Variants in XAB2 observed in about 807,000 individuals in gnomAD.
The protein encoded by XAB2 is XPA binding protein 2, also known as pre-mRNA-splicing factor SYF1.
A neutral mutation model predicts 113.4 loss-of-function variants in XAB2; 57 were observed. The observed-to-expected ratio is 0.50, with a 90% CI of 0.41 to 0.63. The LOEUF is 0.63. Among genes scored for constraint, XAB2 ranks in the 20% least tolerant of loss-of-function variants. XAB2 has a pLI of 0.00. For missense variants in XAB2, 1,037 were observed against 1,233.3 expected, an observed-to-expected ratio of 0.84 and a Z score of 2.38; for synonymous variants, 497 against 498.8, an observed-to-expected ratio of 1.00 and a Z score of 0.05.
Position 7,624,264 on chromosome 19 carries a change from GCT to G in XAB2, c.967+35_967+36del. Reference sequence around the variant, plus strand: ...CGCCCCTACCGCTAATGTCCACTCAGCTCTCTCCCCACCAGCCGGGGCCCCCA... The same window carrying G: ...CGCCCCTACCGCTAATGTCCACTCAGCTCTCCCCACCAGCCGGGGCCCCCA... On this transcript the variant is annotated intron_variant, in intron 7 of 18. Transcript: ENST00000358368. The surrounding 1 kb of genome is among the most constrained non-coding windows in gnomAD (Gnocchi z 4.2). The G allele has an allele frequency of 6.2e-7, 1 of 1,608,848 alleles. No homozygotes were observed. The highest frequency in any genetic ancestry group is 8.5e-7 in the Non-Finnish European group (1 of 1,179,890).
In XAB2 at chr19:7,624,214, G is replaced by A. The variant is rs565334766; in HGVS notation, c.967+87C>T. 39 of 1,585,482 alleles carry A rather than the reference G, an allele frequency of 2.5e-5. 1 individual carries two copies. In the East Asian group the frequency reaches 8.7e-4, roughly 35 times the overall value. On this transcript the variant is annotated intron_variant, in intron 7 of 18. Coordinates refer to ENST00000358368, the MANE Select transcript of XAB2 (RefSeq NM_020196.3). The surrounding 1 kb of genome is among the most constrained non-coding windows in gnomAD (Gnocchi z 4.2). ...TGCTGGCCCCCAGCTGAGCCTCCCA[G>A]GGCTGCCTCACCTGAGATGTGTCCC...
In XAB2 at chr19:7,627,467, G is replaced by A. The variant is rs2031164705; in HGVS notation, c.325-27C>T. 1.3e-6 allele frequency: 2 copies of A among 1,586,962 alleles called. No homozygotes were observed. Among genetic ancestry groups the A allele is most frequent in the Admixed American group, 1.8e-5 (1 of 55,372 alleles). ...TGGGGGTGTGGGGAGAGGCGGCTGG[G>A]GCTAAGCCACGGACTCCATGGCCTG... On this transcript the variant is annotated intron_variant, in intron 3 of 18. Coordinates refer to ENST00000358368, the MANE Select transcript of XAB2 (RefSeq NM_020196.3). The surrounding 1 kb of genome is among the most constrained non-coding windows in gnomAD (Gnocchi z 4.5).
Position 7,623,272 on chromosome 19 carries a change from T to G in XAB2, c.1137A>C (p.Thr379=). ...AGGGGTCCACCGTCTGCACAGCCTCTGTGTAGGTGTTGATGATCTGGGGAC... is the reference window on the plus strand; with the variant it reads ...AGGGGTCCACCGTCTGCACAGCCTCGGTGTAGGTGTTGATGATCTGGGGAC... ...GRPREIINTY[T]EAVQTVDPFK... Residue 379 remains threonine, a synonymous_variant, in exon 9 of 19, where the codon ACA becomes ACC. Coordinates refer to ENST00000358368, the MANE Select transcript of XAB2 (RefSeq NM_020196.3). This position sits in a 1 kb window ranked among gnomAD's most constrained non-coding sequence, Gnocchi z 4.6. 11 of 1,613,608 alleles carry G rather than the reference T, an allele frequency of 6.8e-6. No homozygotes were observed. Among genetic ancestry groups the G allele is most frequent in the South Asian group, 1.1e-5 (1 of 91,092 alleles).
chr19:7,626,370 A>G, intron 4 of XAB2, 100 bp from the exon 5 acceptor site: 2 of 1,515,340 alleles, frequency 1.3e-6, no homozygotes. Flanking sequence ...CCCATTTATG[A>G]GTGTCTTGGG....
At chr19:7,622,478 G>C (rs1198081993) in intron 11 of XAB2, 34 bp from the exon 12 acceptor site, 1 of 1,613,978 alleles carries the variant, frequency 6.2e-7, no homozygotes, top group East Asian at 2.2e-5. Context: ...GTTGGAGCTG[G>C]TTCTGGAGCT....
chr19:7,620,800 CT>C (rs1416359985), intron 14 of XAB2, 45 bp downstream of exon 14: 1 of 1,564,512 alleles, frequency 6.4e-7, no homozygotes, highest in South Asian at 1.2e-5. Context: ...CCCCTTCCGT[CT>C]GCTCAGGGAC....
intron 5 of XAB2, 36 bp from the exon 6 acceptor site, chr19:7,626,080 C>T (rs749796124): frequency 6.2e-7 from 1 of 1,610,212 alleles, no homozygotes; most frequent in Non-Finnish European, 8.5e-7. Flanking sequence ...GAGTCTCAGG[C>T]TCAGTCATGG....
Position 7,627,036 on chromosome 19 carries a change from A to C in XAB2, c.522+207T>G, listed in dbSNP as rs2031152873. On this transcript the variant is annotated intron_variant, in intron 4 of 18. Transcript: ENST00000358368. This position sits in a 1 kb window ranked among gnomAD's most constrained non-coding sequence, Gnocchi z 4.5. ...GTGTCTTAGTCACACTGTCCTCAGC[A>C]CCCATCGCTATGCCTAATGTGAAAC... Among the ~76,000 whole-genome samples, 1 of 152,178 alleles carries C rather than the reference A, an allele frequency of 6.6e-6. No individual in the cohort carries two copies. The highest frequency in any genetic ancestry group is 1.5e-5 in the Non-Finnish European group (1 of 68,028).
At position 7,629,460 on chromosome 19, in the gene XAB2, C is replaced by A. The variant is rs1314309318; in HGVS notation, c.51+17G>T. 1 of 1,589,572 alleles carries A rather than the reference C, an allele frequency of 6.3e-7. No individual in the cohort carries two copies. Among genetic ancestry groups the A allele is most frequent in the East Asian group, 2.3e-5 (1 of 43,724 alleles). Reference sequence around the variant, plus strand: ...ATGCCCCAACGCAGGCCACCCCCGGCTCCTCTGTGGACTCACGAAGACAAG... The same window carrying A: ...ATGCCCCAACGCAGGCCACCCCCGGATCCTCTGTGGACTCACGAAGACAAG... On this transcript the variant is annotated intron_variant, in intron 1 of 18. Transcript: ENST00000358368.
chr19:7,621,044 G>C lies in XAB2; in HGVS notation c.1781-8C>G. ...CGTACAGCAGGTACAAGGCTGGGCG[G>C]GGTAGGCGGGGAGAGGGGAGCACGG... On this transcript the variant is annotated splice_polypyrimidine_tract_variant and splice_region_variant and intron_variant, in intron 13 of 18. Transcript: ENST00000358368. 1 of 1,544,784 alleles carries C rather than the reference G, an allele frequency of 6.5e-7. No homozygotes were observed. The highest frequency in any genetic ancestry group is 8.7e-7 in the Non-Finnish European group (1 of 1,145,538).
Position 7,623,647 on chromosome 19 carries a change from T to G in XAB2, c.1119+84A>C. On this transcript the variant is annotated intron_variant, in intron 8 of 18. Transcript: ENST00000358368. This position sits in a 1 kb window ranked among gnomAD's most constrained non-coding sequence, Gnocchi z 4.6. ...TAAGCAAAGTCAGGCCCCTAGAAGGTGACATTATGGGTGAAGGTGGGTGGC... is the reference window on the plus strand; with the variant it reads ...TAAGCAAAGTCAGGCCCCTAGAAGGGGACATTATGGGTGAAGGTGGGTGGC... The G allele has an allele frequency of 2.0e-6, 3 of 1,489,572 alleles. No individual in the cohort carries two copies. Among genetic ancestry groups the G allele is most frequent in the Non-Finnish European group, 1.8e-6 (2 of 1,121,600 alleles). 92.3% of individuals were successfully genotyped at this position (1,489,572 alleles called of 1,614,324 possible).
rs763321128 is a variant in XAB2, at chr19:7,621,271, G to C, written c.1644C>G (p.Phe548Leu). Residue 548 changes from phenylalanine to leucine, a missense_variant, in exon 13 of 19, where the codon TTC (phenylalanine) becomes TTG (leucine). By Grantham distance (22) the Phe-to-Leu change is conservative. Transcript: ENST00000358368. Reference protein sequence around the residue: ...FKAYERGISLFKWPNVSDIWS... With the variant: ...FKAYERGISLLKWPNVSDIWS... ...AGATGTCGGACACGTTGGGCCACTT[G>C]AACAGCGAGATGCCGCGCTCGTACG... The C allele has an allele frequency of 6.2e-7, 1 of 1,613,016 alleles. No individual in the cohort carries two copies. Among genetic ancestry groups the C allele is most frequent in the Admixed American group, 1.7e-5 (1 of 60,012 alleles).
rs1323707081 is a variant in XAB2, at chr19:7,628,514, A to G, written c.52-216T>C. Among the ~76,000 whole-genome samples the G allele has an allele frequency of 6.6e-6, 1 of 151,910 alleles. No homozygotes were observed. Among genetic ancestry groups the G allele is most frequent in the Non-Finnish European group, 1.5e-5 (1 of 67,974 alleles). On this transcript the variant is annotated intron_variant, in intron 1 of 18. Coordinates refer to ENST00000358368, the MANE Select transcript of XAB2 (RefSeq NM_020196.3). The surrounding 1 kb of genome is among the most constrained non-coding windows in gnomAD (Gnocchi z 4.6). The stretch of plus-strand genomic sequence containing the variant: ...TTACCCCTCAGAATTCAACTACCCA[A>G]AATCGAACCCAAATCATCAGACTTC...
At position 7,620,351 on chromosome 19, in the gene XAB2, C is replaced by T. The variant is rs765633349; in HGVS notation, c.2190G>A (p.Val730=). 1.1e-5 allele frequency: 18 copies of T among 1,613,542 alleles called. No individual in the cohort carries two copies. In the South Asian group the frequency reaches 1.8e-4, roughly 16 times the overall value. The change falls in exon 16 of 19, where the codon GTG becomes GTA. Residue 730 remains valine (V), a synonymous_variant. Coordinates refer to ENST00000358368, the MANE Select transcript of XAB2 (RefSeq NM_020196.3). Reference sequence around the variant, plus strand: ...TGACCTGCGTGTTGTACGTGGCCTGCACGCTGCGCCGGATACGCAGCATTT... The same window carrying T: ...TGACCTGCGTGTTGTACGTGGCCTGTACGCTGCGCCGGATACGCAGCATTT... ...IKEMLRIRRS[V]QATYNTQVNF...
Position 7,624,425 on chromosome 19 carries a change from C to T in XAB2, c.843G>A (p.Glu281=). 1 of 1,614,140 alleles carries T rather than the reference C, an allele frequency of 6.2e-7. No homozygotes were observed. The highest frequency in any genetic ancestry group is 8.5e-7 in the Non-Finnish European group (1 of 1,180,002). ...HFEKARDVYE[E]AIRTVMTVRD... ...GCACGGTCATCACTGTCCGGATGGC[C>T]TCCTCGTACACGTCCCGAGCCTGTG... Residue 281 remains glutamate (E), a synonymous_variant, in exon 7 of 19, where the codon GAG becomes GAA. Transcript: ENST00000358368. The surrounding 1 kb of genome is among the most constrained non-coding windows in gnomAD (Gnocchi z 4.2).
Position 7,624,241 on chromosome 19 carries a change from C to T in XAB2, c.967+60G>A, listed in dbSNP as rs1262257034. ...GCTGCCTCACCTGAGATGTGTCCCG[C>T]CCCTACCGCTAATGTCCACTCAGCT... On this transcript the variant is annotated intron_variant, in intron 7 of 18. Coordinates refer to ENST00000358368, the MANE Select transcript of XAB2 (RefSeq NM_020196.3). The surrounding 1 kb of genome is among the most constrained non-coding windows in gnomAD (Gnocchi z 4.2). The T allele has an allele frequency of 1.2e-6, 2 of 1,602,772 alleles. No individual in the cohort carries two copies. Among genetic ancestry groups the T allele is most frequent in the Non-Finnish European group, 1.7e-6 (2 of 1,179,400 alleles).
Position 7,622,550 on chromosome 19 carries a change from C to T in XAB2, c.1483G>A (p.Glu495Lys). Residue 495 changes from glutamate (E) to lysine (K), a missense_variant, in exon 11 of 19, where the codon GAG (glutamate) becomes AAG (lysine). Glu to Lys is a moderately conservative substitution (Grantham distance 56). Transcript: ENST00000358368. ...CTCACCTGGAAGGTGCCGAGGCTCT[C>T]CTCCAGGTCGGCGAGCATGGACCAG... ...KVWSMLADLE[E>K]SLGTFQSTKA... The T allele has an allele frequency of 6.2e-7, 1 of 1,613,792 alleles. No individual in the cohort carries two copies. The highest frequency in any genetic ancestry group is 8.5e-7 in the Non-Finnish European group (1 of 1,180,038).
At position 7,623,116 on chromosome 19, in the gene XAB2, ATAC is replaced by A. The variant is rs1168268315; in HGVS notation, c.1239+51_1239+53del. ...TGTACACACACATACATGCACACAT[ATAC>A]AAGCACACACACATGCATGAACACA... On this transcript the variant is annotated intron_variant, in intron 9 of 18. Coordinates refer to ENST00000358368, the MANE Select transcript of XAB2 (RefSeq NM_020196.3). This position sits in a 1 kb window ranked among gnomAD's most constrained non-coding sequence, Gnocchi z 4.6. 1.2e-5 allele frequency: 20 copies of A among 1,603,672 alleles called. No homozygotes were observed. The highest frequency in any genetic ancestry group is 1.6e-5 in the Non-Finnish European group (19 of 1,174,472).
Position 7,625,909 on chromosome 19 carries a change from A to T in XAB2, c.793T>A (p.Tyr265Asn), listed in dbSNP as rs202178945. ...LGKLWCSLAD[Y>N]YIRSGHFEKA... ...TCGAAATGGCCGCTGCGGATGTAGT[A>T]GTCGGCGAGAGAACACCAGAGCTTG... Residue 265 changes from tyrosine (Y) to asparagine (N), a missense_variant, in exon 6 of 19, where the codon TAC becomes AAC. Transcript: ENST00000358368. The surrounding 1 kb of genome is among the most constrained non-coding windows in gnomAD (Gnocchi z 5.2). 1 of 1,612,400 alleles carries T rather than the reference A, an allele frequency of 6.2e-7. No individual in the cohort carries two copies. Among genetic ancestry groups the T allele is most frequent in the South Asian group, 1.1e-5 (1 of 90,926 alleles).
Sources: gnomAD v4.1 joint callset for allele counts (sites outside exome capture counted in the v4.1 genomes callset) on GRCh38, gnomAD v4.1.1 for gene constraint, Gnocchi (gnomAD v3.1) non-coding constraint, MANE v1.5 for transcripts, NCBI Gene and HGNC (gene_info 2026-07-23, HGNC 2026-07-21) for gene names.